Variants in INPP4B observed in about 807,000 individuals in gnomAD.
The protein encoded by INPP4B is inositol polyphosphate 4-phosphatase type II.
A neutral mutation model predicts 122.5 loss-of-function variants in INPP4B; 55 were observed. The ratio of observed to expected loss-of-function variants is 0.45; its 90% CI spans 0.36 to 0.56. The LOEUF is 0.56. INPP4B is among the 20% of genes least tolerant of loss of function. INPP4B has a pLI of 0.00. For synonymous variants in INPP4B, 403 were observed against 388.7 expected (o/e 1.04, Z -0.43); for missense variants, 1,000 against 1,097.7 (o/e 0.91, Z 1.26).
chr4:142,523,170 T>G (rs542373675), intron 2 of INPP4B, among the ~76,000 whole-genome samples: 1 of 152,226 alleles, frequency 6.6e-6, no homozygotes, highest in African/African-American at 2.4e-5. Context: ...CAACAACAAT[T>G]ACTGAAAATT....
At chr4:142,778,155 TA>T (rs1774221383) in intron 1 of INPP4B, among the ~76,000 whole-genome samples, 1 of 152,148 alleles carries the variant, frequency 6.6e-6, no homozygotes, top group Non-Finnish European at 1.5e-5. Flanking sequence ...TAAGCTTCAG[TA>T]CGGAGAATTG....
At chr4:142,521,265 A>T (rs1277428657) in intron 2 of INPP4B, among the ~76,000 whole-genome samples, 4 of 152,000 alleles carry the variant, frequency 2.6e-5, no homozygotes, top group Admixed American at 2.6e-4. Flanking sequence ...TAAGACAAAA[A>T]TAAAAGGATT....
intron 1 of INPP4B, among the ~76,000 whole-genome samples, chr4:142,746,440 A>G (rs331954): frequency 0.23 from 35,342 of 152,074 alleles, 4,376 homozygotes; most frequent in South Asian, 0.35. Context: ...GAAAATGGTC[A>G]TACTGCCCAA....
At chr4:142,813,083 A>G (rs1050002541) in intron 1 of INPP4B, among the ~76,000 whole-genome samples, 1 of 152,158 alleles carries the variant, frequency 6.6e-6, no homozygotes, top group Non-Finnish European at 1.5e-5. Flanking sequence ...CAGTCTCGCT[A>G]TAGAAGGAAT....
intron 2 of INPP4B, among the ~76,000 whole-genome samples, chr4:142,705,904 G>A (rs1022317065): frequency 9.2e-5 from 14 of 152,148 alleles, no homozygotes; most frequent in Admixed American, 3.3e-4. Context: ...GTGCAACCTG[G>A]GTGATTGTCC....
At chr4:142,650,551 A>AG (rs1241891260) in intron 2 of INPP4B, among the ~76,000 whole-genome samples, 19 of 152,152 alleles carry the variant, frequency 1.2e-4, no homozygotes. Context: ...GTAAAAAAAA[A>AG]AAAGGCAGGG....
At chr4:142,471,120 C>T (rs930829533) in intron 2 of INPP4B, among the ~76,000 whole-genome samples, 7 of 152,036 alleles carry the variant, frequency 4.6e-5, no homozygotes, top group African/African-American at 7.2e-5. Context: ...ACTTTATCTC[C>T]GTGAAGAAGT....
chr4:142,628,682 T>A (rs114522248), intron 2 of INPP4B, among the ~76,000 whole-genome samples: 1,652 of 152,184 alleles, frequency 0.011, 32 homozygotes, highest in African/African-American at 0.038. Context: ...TCATCCTTTT[T>A]TATAGACATT....
chr4:142,611,644 T>C (rs1159137348), intron 2 of INPP4B, among the ~76,000 whole-genome samples: 88 of 130,204 alleles, frequency 6.8e-4, no homozygotes, highest in South Asian at 1.4e-3. Context: ...TTTCTTTTTT[T>C]TTTTTTTTTT....
intron 1 of INPP4B, among the ~76,000 whole-genome samples, chr4:142,805,600 C>T (rs878909831): frequency 3.3e-5 from 5 of 152,170 alleles, no homozygotes; most frequent in Admixed American, 3.3e-4. Flanking sequence ...CCTTCCTCCT[C>T]CTCAGCCTCC....
intron 18 of INPP4B, among the ~76,000 whole-genome samples, chr4:142,128,368 CACACACACACAT>C (rs1253581211): frequency 2.4e-4 from 27 of 112,658 alleles, no homozygotes; most frequent in East Asian, 6.7e-4. Context: ...CACACACACA[CACACACACACAT>C]ACACACACAT....
intron 12 of INPP4B, among the ~76,000 whole-genome samples, chr4:142,228,313 A>G (rs985078959): frequency 4.6e-5 from 7 of 151,806 alleles, no homozygotes; most frequent in African/African-American, 1.7e-4. Context: ...ATCAATACAA[A>G]TCAAATATAT....
At position 142,491,499 on chromosome 4, in the gene INPP4B, CA is replaced by C. The variant is rs112986733; in HGVS notation, c.-190-28774del. ...TGAAATCCCGTCTCTATTAAAAAGA[CA>C]AAAAAAATTAGCCAGACATGGTGGC... On this transcript the variant is annotated intron_variant, in intron 2 of 25. Transcript: ENST00000262992. Among the ~76,000 whole-genome samples the C allele has an allele frequency of 7.2e-3, 1,086 of 151,798 alleles. 17 individuals carry two copies. The highest frequency in any genetic ancestry group is 0.025 in the African/African-American group (1,028 of 41,424).
At chr4:142,341,529 C>G (rs1465031572) in intron 7 of INPP4B, among the ~76,000 whole-genome samples, 2 of 152,070 alleles carry the variant, frequency 1.3e-5, no homozygotes, top group Non-Finnish European at 2.9e-5. Context: ...CCCCGGCAAC[C>G]CCATACCCAG....
At chr4:142,518,149 A>G (rs1342233918) in intron 2 of INPP4B, among the ~76,000 whole-genome samples, 1 of 152,180 alleles carries the variant, frequency 6.6e-6, no homozygotes, top group African/African-American at 2.4e-5. Flanking sequence ...TAGCATTTAA[A>G]TAATCTCTTG....
chr4:142,564,455 G>GAAAAAAAAAAAAAAAAAAAAAAAA (rs1731176894), intron 2 of INPP4B, among the ~76,000 whole-genome samples: 1 of 116,596 alleles, frequency 8.6e-6, no homozygotes, highest in African/African-American at 3.4e-5. Flanking sequence ...AAAAAAAAAA[G>GAAAAAAAAAAAAAAAAAAAAAAAA]AAAGAAAGAA....
At chr4:142,441,184 G>A (rs114899509) in intron 3 of INPP4B, among the ~76,000 whole-genome samples, 2,563 of 152,270 alleles carry the variant, frequency 0.017, 78 homozygotes, top group African/African-American at 0.059. Flanking sequence ...AGTAAAGACT[G>A]TACTGAAAGG....
In INPP4B at chr4:142,119,635, G is replaced by A. The variant is rs541132562; in HGVS notation, c.2135+2493C>T. On this transcript the variant is annotated intron_variant, in intron 21 of 25. Transcript: ENST00000262992. ...CACAGGATGGGGTACATCATACATT[G>A]GAGTCTGTCGTGGGGTGGGGGGAAG... 2.7e-5 allele frequency among the ~76,000 whole-genome samples: 4 copies of A among 150,790 alleles called. No homozygotes were observed. In the South Asian group the frequency reaches 8.6e-4, roughly 32 times the overall value.
At chr4:142,429,075 T>G (rs1268963769) in intron 5 of INPP4B, 98 bp downstream of exon 5, 1 of 597,502 alleles carries the variant, frequency 1.7e-6, no homozygotes, top group East Asian at 3.1e-5. Context: ...TCATAAAAAT[T>G]TGTCAAATAT....
Sources: allele counts gnomAD v4.1 joint callset (sites outside exome capture counted in the v4.1 genomes callset), GRCh38; gene constraint gnomAD v4.1.1; transcripts MANE v1.5; gene names NCBI Gene and HGNC (gene_info 2026-07-23, HGNC 2026-07-21).